The following SLC19A3 variants were observed in gnomAD, a reference collection of about 807,000 sequenced individuals.
SLC19A3 encodes the protein solute carrier family 19 member 3, also known as thiamine transporter 2.
In SLC19A3, 31 loss-of-function variants were observed where a neutral mutation model predicts 40.2. The ratio of observed to expected loss-of-function variants is 0.77; its 90% CI spans 0.58 to 1.04. The LOEUF (loss-of-function observed/expected upper bound fraction) is 1.04, where lower values mean the gene tolerates loss of function less well. SLC19A3 is among the 50% of genes least tolerant of loss of function. The pLI is 0.00. For synonymous variants in SLC19A3, 212 were observed against 227.5 expected, an observed-to-expected ratio of 0.93 and a Z score of 0.61; for missense variants, 592 against 596.7, an observed-to-expected ratio of 0.99 and a Z score of 0.08.
chr2:227,686,235 C>A lies in SLC19A3; in HGVS notation c.*1162G>T. 22 of 377,640 alleles carry A rather than the reference C, an allele frequency of 5.8e-5. 1 individual carries two copies. Among genetic ancestry groups the A allele is most frequent in the South Asian group, 4.3e-4 (22 of 50,892 alleles). The allele number at this position is 377,640 out of a possible 1,614,324, so 23.4% of individuals were successfully genotyped here. A position where few individuals can be genotyped will look rare whatever the true frequency, so the allele number is the denominator to read the frequency against. On this transcript the variant is annotated 3_prime_UTR_variant, in exon 6 of 6. Transcript: ENST00000644224. ...ACAAAATCAGGTGTTTTATTCCACT[C>A]CCCCCATCAGTGTTTTCTTATTTCT...
At chr2:227,715,664 A>G (rs1203813491) in intron 1 of SLC19A3, among the ~76,000 whole-genome samples, 2 of 152,208 alleles carry the variant, frequency 1.3e-5, no homozygotes, top group Non-Finnish European at 2.9e-5. Context: ...GTTCAGATCA[A>G]TCTAGTCTTA....
intron 1 of SLC19A3, chr2:227,706,398 T>C: frequency 8.1e-7 from 1 of 1,231,166 alleles, no homozygotes; most frequent in South Asian, 4.1e-5. Flanking sequence ...GTTACTCCTG[T>C]AGCAGTCATC....
chr2:227,716,910 T>C (rs1462777327), intron 1 of SLC19A3, among the ~76,000 whole-genome samples: 1 of 151,680 alleles, frequency 6.6e-6, no homozygotes, highest in Non-Finnish European at 1.5e-5. Flanking sequence ...CTATTTAATA[T>C]ATGTGCCTCG....
intron 1 of SLC19A3, among the ~76,000 whole-genome samples, chr2:227,709,868 ATAGTGG>A (rs1696079780): frequency 1.3e-5 from 2 of 152,102 alleles, no homozygotes; most frequent in South Asian, 2.1e-4. Context: ...ATTATCTACA[ATAGTGG>A]TACCCAACCT....
In SLC19A3 at chr2:227,699,094, T is replaced by C. The variant is rs145804755; in HGVS notation, c.621A>G (p.Ile207Met). Reference protein sequence around the residue: ...MFFHAKPSREIKKSSSVNPVL... With the variant: ...MFFHAKPSREMKKSSSVNPVL... ...CTGGATTCACGCTTGATGACTTCTT[T>C]ATTTCTCTGCTGGGTTTTGCATGAA... Residue 207 changes from isoleucine (I) to methionine (M), a missense_variant, in exon 3 of 6, where the codon ATA (isoleucine) becomes ATG (methionine). Coordinates refer to ENST00000644224, the MANE Select transcript of SLC19A3 (RefSeq NM_025243.4). 2.9e-3 allele frequency: 4,700 copies of C among 1,614,128 alleles called. 8 individuals carry two copies. Among genetic ancestry groups the C allele is most frequent in the Non-Finnish European group, 3.8e-3 (4,477 of 1,180,052 alleles).
intron 3 of SLC19A3, among the ~76,000 whole-genome samples, chr2:227,696,344 T>A (rs983061696): frequency 6.6e-6 from 1 of 152,190 alleles, no homozygotes. Flanking sequence ...CACTGTATTC[T>A]GCAGAGGGGC....
Position 227,686,285 on chromosome 2 carries a change from G to C in SLC19A3, c.*1112C>G. The C allele has an allele frequency of 3.0e-6, 1 of 328,820 alleles. No individual in the cohort carries two copies. The highest frequency in any genetic ancestry group is 6.2e-6 in the Non-Finnish European group (1 of 162,292). The allele number at this position is 328,820 out of a possible 1,614,324, so 20.4% of individuals were successfully genotyped here. A position where few individuals can be genotyped will look rare whatever the true frequency, so the allele number is the denominator to read the frequency against. ...TAATACTTCTAGAAACCTCCTTTAA[G>C]TTTTCCTATTTTAGACAGACACCAC... On this transcript the variant is annotated 3_prime_UTR_variant, in exon 6 of 6. Transcript: ENST00000644224.
intron 1 of SLC19A3, among the ~76,000 whole-genome samples, chr2:227,709,255 G>T (rs9808012): frequency 0.014 from 2,201 of 152,284 alleles, 51 homozygotes; most frequent in African/African-American, 0.049. Context: ...GCTGAGGCGG[G>T]TGGATGACTT....
At position 227,699,343 on chromosome 2, in the gene SLC19A3, G is replaced by T; in HGVS notation, c.372C>A (p.Tyr124Ter). 6.2e-7 allele frequency: 1 copy of T among 1,614,152 alleles called. No homozygotes were observed. The highest frequency in any genetic ancestry group is 8.5e-7 in the Non-Finnish European group (1 of 1,180,026). Residue 124 changes from tyrosine (Y) to a stop codon, truncating the protein, a stop_gained, in exon 3 of 6, where the codon TAC (tyrosine) becomes TAA (stop). Coordinates refer to ENST00000644224, the MANE Select transcript of SLC19A3 (RefSeq NM_025243.4). LOFTEE classifies it high-confidence loss of function. ...GMVTAAEVAY[Y>*]AYIYSVVSPE... ...GGCTGACCACGCTGTATATGTAGGC[G>T]TAGTAGGCCACCTCGGCGGCGGTGA...
At chr2:227,716,644 C>T (rs1696344987) in intron 1 of SLC19A3, among the ~76,000 whole-genome samples, 2 of 152,212 alleles carry the variant, frequency 1.3e-5, no homozygotes, top group African/African-American at 4.8e-5. Flanking sequence ...CTGCTGGATG[C>T]TCTTCGGCTC....
chr2:227,711,881 C>G (rs1239275848), intron 1 of SLC19A3, among the ~76,000 whole-genome samples: 1 of 151,768 alleles, frequency 6.6e-6, no homozygotes, highest in Non-Finnish European at 1.5e-5. Context: ...GAAACCCCGT[C>G]TCTACTAAAA....
chr2:227,694,019 A>G (rs1473955158), intron 4 of SLC19A3, among the ~76,000 whole-genome samples: 1 of 152,232 alleles, frequency 6.6e-6, no homozygotes, highest in African/African-American at 2.4e-5. Flanking sequence ...ACAATGAGAT[A>G]TTATCTCACT....
At position 227,687,372 on chromosome 2, in the gene SLC19A3, C is replaced by T. The variant is rs371251177; in HGVS notation, c.*25G>A. On this transcript the variant is annotated 3_prime_UTR_variant, in exon 6 of 6. Transcript: ENST00000644224. ...CTTATTATTGCATAACTTTGAAAGC[C>T]ACTGTTGCGTTTGTTGCGATGAGGT... 7.0e-5 allele frequency: 111 copies of T among 1,586,498 alleles called. No homozygotes were observed. The highest frequency in any genetic ancestry group is 8.7e-5 in the Non-Finnish European group (101 of 1,164,240).
Position 227,702,292 on chromosome 2 carries a change from G to A in SLC19A3, c.27C>T (p.Ser9=). The change falls in exon 2 of 6, where the codon AGC becomes AGT. Residue 9 remains serine (S), a synonymous_variant. Transcript: ENST00000644224. MDCYRTSL[S]SSWIYPTVIL... ...TCACAGTGGGGTAAATCCAGGAACT[G>A]CTTAGTGAAGTTCTGTAACAATCCA... The A allele has an allele frequency of 6.2e-7, 1 of 1,614,020 alleles. No homozygotes were observed. Among genetic ancestry groups the A allele is most frequent in the Non-Finnish European group, 8.5e-7 (1 of 1,179,938 alleles).
chr2:227,715,022 G>T (rs1479551659), intron 1 of SLC19A3, among the ~76,000 whole-genome samples: 1 of 152,006 alleles, frequency 6.6e-6, no homozygotes, highest in East Asian at 1.9e-4. Context: ...GTTTTGCCTT[G>T]TTGGTCAGGC....
At chr2:227,689,686 A>G (rs1695148699) in intron 4 of SLC19A3, among the ~76,000 whole-genome samples, 1 of 152,230 alleles carries the variant, frequency 6.6e-6, no homozygotes, top group African/African-American at 2.4e-5. Flanking sequence ...ACTTGTAATA[A>G]TAGGTACATA....
At chr2:227,710,275 C>T (rs1696091992) in intron 1 of SLC19A3, among the ~76,000 whole-genome samples, 1 of 152,186 alleles carries the variant, frequency 6.6e-6, no homozygotes, top group Non-Finnish European at 1.5e-5. Context: ...AGCCAGGCAG[C>T]CATCTGAGAA....
intron 1 of SLC19A3, among the ~76,000 whole-genome samples, chr2:227,710,626 A>T (rs567596937): frequency 3.3e-5 from 5 of 152,308 alleles, no homozygotes; most frequent in African/African-American, 1.2e-4. Flanking sequence ...CGAATCTTAC[A>T]GAGCATGATC....
chr2:227,707,334 T>C (rs1309844075), intron 1 of SLC19A3, among the ~76,000 whole-genome samples: 2 of 152,182 alleles, frequency 1.3e-5, no homozygotes, highest in Non-Finnish European at 2.9e-5. Flanking sequence ...CCTGTAATAC[T>C]ACCACTGTGG....
Sources: allele counts gnomAD v4.1 joint callset (sites outside exome capture counted in the v4.1 genomes callset), GRCh38; gene constraint gnomAD v4.1.1; transcripts MANE v1.5; gene names NCBI Gene and HGNC (gene_info 2026-07-23, HGNC 2026-07-21).